Variants in MLPH observed in about 807,000 individuals in gnomAD.
MLPH encodes exophilin-3.
In MLPH, 51 loss-of-function variants were observed where a neutral mutation model predicts 72.1. The ratio of observed to expected loss-of-function variants is 0.71; its 90% CI spans 0.56 to 0.89. The LOEUF (loss-of-function observed/expected upper bound fraction) is 0.89, where lower values mean the gene tolerates loss of function less well. Ranked by LOEUF, MLPH falls within the 40% of genes least tolerant of loss-of-function variation. The probability of loss-of-function intolerance (pLI) is 0.00; values close to 1 mark genes in which losing one functional copy is unlikely to be tolerated. For synonymous variants in MLPH, 301 were observed against 310.1 expected (o/e 0.97, Z 0.31); for missense variants, 743 against 759.9 (o/e 0.98, Z 0.26).
chr2:237,506,259 T>A lies in MLPH; in HGVS notation c.111-4315T>A, dbSNP rs1315095166. ...AAAATAACAGTAAACCCCCTACATG[T>A]TAATATAAATACAGTTTTTATAAAA... On this transcript the variant is annotated intron_variant, in intron 2 of 15. Coordinates refer to ENST00000264605, the MANE Select transcript of MLPH (RefSeq NM_024101.7). 3.3e-5 allele frequency among the ~76,000 whole-genome samples: 5 copies of A among 152,318 alleles called. No homozygotes were observed. The East Asian group carries it at 9.6e-4, about 29-fold the overall frequency.
At chr2:237,501,435 C>G (rs1449049812) in intron 2 of MLPH, among the ~76,000 whole-genome samples, 1 of 151,972 alleles carries the variant, frequency 6.6e-6, no homozygotes, top group Admixed American at 6.6e-5. Flanking sequence ...GCGGGTCTAT[C>G]TGCAGTGAGT....
Position 237,540,699 on chromosome 2 carries a change from C to A in MLPH, c.1291-103C>A, listed in dbSNP as rs2080658335. The A allele has an allele frequency of 3.2e-6, 5 of 1,539,942 alleles. No individual in the cohort carries two copies. In the East Asian group the frequency reaches 1.2e-4, roughly 37 times the overall value. Reference sequence around the variant, plus strand: ...GTGGCCGGCTCCTGACCAACCAGCTCCCAGGGTTCAGAGAGGAGAGCAATA... The same window carrying A: ...GTGGCCGGCTCCTGACCAACCAGCTACCAGGGTTCAGAGAGGAGAGCAATA... On this transcript the variant is annotated intron_variant, in intron 10 of 15. Coordinates refer to ENST00000264605, the MANE Select transcript of MLPH (RefSeq NM_024101.7).
chr2:237,539,307 G>A (rs562319414), intron 9 of MLPH, among the ~76,000 whole-genome samples: 5 of 152,328 alleles, frequency 3.3e-5, no homozygotes, highest in African/African-American at 9.6e-5. Flanking sequence ...AAGGCAGACC[G>A]ATCCCGGGGG....
chr2:237,554,464 A>G lies in MLPH; in HGVS notation c.*872A>G, dbSNP rs1322577593. 3 of 154,360 alleles carry G rather than the reference A, an allele frequency of 1.9e-5. No individual in the cohort carries two copies. Among genetic ancestry groups the G allele is most frequent in the African/African-American group, 7.2e-5 (3 of 41,456 alleles). 9.6% of individuals were successfully genotyped at this position (154,360 alleles called of 1,614,324 possible). ...ACAGGAGTCAGCTTGCCACTCGCCC[A>G]TTGGTTACATAGATGATCTCTCAGA... On this transcript the variant is annotated 3_prime_UTR_variant, in exon 16 of 16. Transcript: ENST00000264605.
chr2:237,516,832 G>A (rs2080033548), intron 4 of MLPH, among the ~76,000 whole-genome samples: 1 of 126,236 alleles, frequency 7.9e-6, no homozygotes, highest in Non-Finnish European at 1.7e-5. Flanking sequence ...TGGATGGTAG[G>A]ATGGATGGAT....
Position 237,511,118 on chromosome 2 carries a change from A to T in MLPH, c.445+17A>T, listed in dbSNP as rs1313214650. ...AGGGTGGAGGTAAGGAGTGGAGAGT[A>T]AGAACGGCTTTTTGTTCCCAGGCAT... is the stretch of plus-strand genomic sequence containing the variant. On this transcript the variant is annotated intron_variant, in intron 4 of 15. Coordinates refer to ENST00000264605, the MANE Select transcript of MLPH (RefSeq NM_024101.7). 6.3e-7 allele frequency: 1 copy of T among 1,598,710 alleles called. No individual in the cohort carries two copies. Among genetic ancestry groups the T allele is most frequent in the South Asian group, 1.1e-5 (1 of 90,776 alleles).
In MLPH at chr2:237,525,653, G is replaced by T; in HGVS notation, c.728G>T (p.Gly243Val). Reference protein sequence around the residue: ...SEKAAPHKAEGLEEADTGASG... With the variant: ...SEKAAPHKAEVLEEADTGASG... ...AAGGCAGCCCCTCACAAGGCTGAGG[G>T]CCTGGAGGAGGCTGATACTGGGGCC... The change falls in exon 7 of 16, where the codon GGC becomes GTC. Residue 243 changes from glycine (G) to valine (V), a missense_variant. Gly to Val is a moderately radical substitution (Grantham distance 109, BLOSUM62 -3). Coordinates refer to ENST00000264605, the MANE Select transcript of MLPH (RefSeq NM_024101.7). 5.0e-6 allele frequency: 8 copies of T among 1,614,144 alleles called. No homozygotes were observed. Among genetic ancestry groups the T allele is most frequent in the African/African-American group, 2.7e-5 (2 of 75,052 alleles).
intron 4 of MLPH, among the ~76,000 whole-genome samples, chr2:237,513,132 A>G (rs1402198635): frequency 6.6e-6 from 1 of 151,934 alleles, no homozygotes; most frequent in Non-Finnish European, 1.5e-5. Flanking sequence ...AGGGTAAAAA[A>G]GCTTAAGGTT....
intron 2 of MLPH, among the ~76,000 whole-genome samples, chr2:237,497,031 C>A (rs961573236): frequency 1.3e-5 from 2 of 152,014 alleles, no homozygotes; most frequent in Non-Finnish European, 2.9e-5. Flanking sequence ...GGGGAGGAGG[C>A]TGGGGGCAGG....
At chr2:237,533,946 G>A (rs2080478243) in intron 8 of MLPH, among the ~76,000 whole-genome samples, 1 of 152,230 alleles carries the variant, frequency 6.6e-6, no homozygotes, top group African/African-American at 2.4e-5. Flanking sequence ...TTTAAAGCCA[G>A]GTGAGCCGTA....
rs564877280 is a variant in MLPH at position 237,488,072 on chromosome 2, A to G, written c.-25+635A>G. On this transcript the variant is annotated intron_variant, in intron 1 of 15. Transcript: ENST00000264605. ...TACAGGAACGGAATCTCACTTGTAA[A>G]TCCCTTCCCCGGGCTTAGACACCGC... Among the ~76,000 whole-genome samples the G allele has an allele frequency of 7.2e-5, 11 of 152,048 alleles. No homozygotes were observed. The South Asian group carries it at 8.3e-4, about 11-fold the overall frequency.
intron 15 of MLPH, chr2:237,553,322 TG>T (rs2081074622): frequency 1.6e-6 from 1 of 609,190 alleles, no homozygotes; most frequent in East Asian, 2.9e-5. Flanking sequence ...CATGGAGAGG[TG>T]GGGTTTTCAT....
chr2:237,515,148 T>G (rs6743992), intron 4 of MLPH, among the ~76,000 whole-genome samples: 28,179 of 152,150 alleles, frequency 0.19, 3,399 homozygotes, highest in African/African-American at 0.32. Flanking sequence ...ACCCAGAGCT[T>G]CCCAAGGCCC....
intron 1 of MLPH, among the ~76,000 whole-genome samples, chr2:237,493,081 G>C (rs1006161557): frequency 6.6e-6 from 1 of 152,216 alleles, no homozygotes; most frequent in South Asian, 2.1e-4. Flanking sequence ...CCCTAGGTGA[G>C]GGAGAGGAGC....
chr2:237,488,345 C>T (rs1010994177), intron 1 of MLPH, among the ~76,000 whole-genome samples: 2 of 152,126 alleles, frequency 1.3e-5, no homozygotes, highest in African/African-American at 2.4e-5. Flanking sequence ...ATTGACACCC[C>T]GGGTTCAGCT....
At chr2:237,532,200 A>G (rs943703110) in intron 8 of MLPH, among the ~76,000 whole-genome samples, 39 of 152,168 alleles carry the variant, frequency 2.6e-4, no homozygotes, top group African/African-American at 9.4e-4. Flanking sequence ...ATCAACCCCA[A>G]GACTCCCAGC....
intron 2 of MLPH, among the ~76,000 whole-genome samples, chr2:237,495,997 C>G (rs1330397010): frequency 2.0e-5 from 3 of 152,224 alleles, no homozygotes; most frequent in Non-Finnish European, 2.9e-5. Flanking sequence ...TTCCCATTCT[C>G]TCTACGTAAA....
chr2:237,493,573 C>G (rs563391842), intron 2 of MLPH, 37 bp downstream of exon 2: 1 of 1,510,996 alleles, frequency 6.6e-7, no homozygotes, highest in Non-Finnish European at 9.2e-7. Flanking sequence ...AGCCCGGGGT[C>G]CCTGATCTTC....
At chr2:237,503,498 G>T (rs1372493698) in intron 2 of MLPH, among the ~76,000 whole-genome samples, 1 of 152,126 alleles carries the variant, frequency 6.6e-6, no homozygotes, top group Non-Finnish European at 1.5e-5. Context: ...CCCCGGTGCT[G>T]CTCCTCAGCA....
Sources: gnomAD v4.1 joint callset for allele counts (sites outside exome capture counted in the v4.1 genomes callset) on GRCh38, gnomAD v4.1.1 for gene constraint, MANE v1.5 for transcripts, NCBI Gene and HGNC (gene_info 2026-07-23, HGNC 2026-07-21) for gene names.